BAZ2B: variants seen among roughly 807,000 people sequenced by gnomAD.
BAZ2B encodes bromodomain adjacent to zinc finger domain protein 2B.
BAZ2B carries 91 observed loss-of-function variants against 246.0 expected under a neutral mutation model. The observed-to-expected ratio is 0.37, with a 90% CI of 0.31 to 0.44. BAZ2B has a LOEUF of 0.44. Ranked by LOEUF, BAZ2B falls within the 20% of genes least tolerant of loss-of-function variation. The probability of loss-of-function intolerance (pLI) is 1.00; values close to 1 mark genes in which losing one functional copy is unlikely to be tolerated. For synonymous variants in BAZ2B, 855 were observed against 860.0 expected (o/e 0.99, Z 0.10); for missense variants, 2,332 against 2,533.7 (o/e 0.92, Z 1.71).
In BAZ2B at chr2:159,324,961, A is replaced by C. The variant is rs1239397947; in HGVS notation, c.6210-7T>G. 1 of 1,504,374 alleles carries C rather than the reference A, an allele frequency of 6.6e-7. No homozygotes were observed. Among genetic ancestry groups the C allele is most frequent in the Admixed American group, 2.7e-5 (1 of 37,490 alleles). 93.2% of individuals were successfully genotyped at this position (1,504,374 alleles called of 1,614,324 possible). A position where few individuals can be genotyped will look rare whatever the true frequency, so the allele number is the denominator to read the frequency against. On this transcript the variant is annotated splice_polypyrimidine_tract_variant and splice_region_variant and intron_variant, in intron 35 of 36. Coordinates refer to ENST00000392783, the MANE Select transcript of BAZ2B (RefSeq NM_013450.4). ...CATTTCAGTCAGAATCATACTAAAGAAAATAATGTTTGAAATCAGTATCCA... is the reference window on the plus strand; with the variant it reads ...CATTTCAGTCAGAATCATACTAAAGCAAATAATGTTTGAAATCAGTATCCA...
intron 2 of BAZ2B, among the ~76,000 whole-genome samples, chr2:159,533,752 T>C (rs956370490): frequency 3.3e-5 from 5 of 152,210 alleles, no homozygotes; most frequent in Non-Finnish European, 7.4e-5. Flanking sequence ...CTTCAGCCAC[T>C]AGCTGGTCAT....
chr2:159,411,946 AT>A, intron 14 of BAZ2B: 1 of 985,408 alleles, frequency 1.0e-6, no homozygotes, highest in Non-Finnish European at 1.2e-6. Flanking sequence ...TACTCCACAG[AT>A]CCACATATTT....
Position 159,385,378 on chromosome 2 carries a change from G to A in BAZ2B, c.3472-9C>T. On this transcript the variant is annotated splice_polypyrimidine_tract_variant and intron_variant, in intron 22 of 36. Coordinates refer to ENST00000392783, the MANE Select transcript of BAZ2B (RefSeq NM_013450.4). ...CCAAGAGCTGTTTTAGCCTATAAAA[G>A]TTTGGCATTTTTATCAGTATTACTC... 9 of 1,608,850 alleles carry A rather than the reference G, an allele frequency of 5.6e-6. No homozygotes were observed. Among genetic ancestry groups the A allele is most frequent in the Non-Finnish European group, 7.6e-6 (9 of 1,177,300 alleles).
At chr2:159,674,669 T>C in the BAZ2B span, among the ~76,000 whole-genome samples, 1 of 150,630 alleles carries the variant, frequency 6.6e-6, no homozygotes, top group African/African-American at 2.4e-5. Flanking sequence ...TGAGCTGAGA[T>C]TGCGCCATTG....
intron 1 of BAZ2B, chr2:159,615,816 G>A (rs1162289458): frequency 1.3e-5 from 2 of 152,458 alleles, no homozygotes; most frequent in East Asian, 1.9e-4. Flanking sequence ...GCGAAGCCAG[G>A]GCGGCCGGCA....
chr2:159,699,955 T>A, the BAZ2B span, among the ~76,000 whole-genome samples: 19 of 152,170 alleles, frequency 1.2e-4, no homozygotes, highest in African/African-American at 4.3e-4. Flanking sequence ...AGAGGAGGAA[T>A]GTTGTCTCTT....
At chr2:159,463,105 G>T in intron 3 of BAZ2B, 1 of 687,318 alleles carries the variant, frequency 1.5e-6, no homozygotes, top group Non-Finnish European at 2.7e-6. Context: ...AAATGCACGT[G>T]CTGCCCTTTC....
chr2:159,412,564 T>C lies in BAZ2B; in HGVS notation c.2467-19A>G, dbSNP rs989140091. The C allele has an allele frequency of 1.9e-6, 3 of 1,582,664 alleles. No individual in the cohort carries two copies. The highest frequency in any genetic ancestry group is 2.6e-6 in the Non-Finnish European group (3 of 1,161,224). On this transcript the variant is annotated intron_variant, in intron 13 of 36. Transcript: ENST00000392783. ...GCATTCCCTTTTAATTAACATTTTA[T>C]AGAAATAATATATTACAAACAAAAT... is the stretch of plus-strand genomic sequence containing the variant.
intron 1 of BAZ2B, among the ~76,000 whole-genome samples, chr2:159,600,322 T>C (rs1691845032): frequency 6.6e-6 from 1 of 152,142 alleles, no homozygotes; most frequent in African/African-American, 2.4e-5. Context: ...ACCAGAACCA[T>C]TCCTGCCAAA....
intron 1 of BAZ2B, among the ~76,000 whole-genome samples, chr2:159,601,575 G>C (rs1692157241): frequency 6.6e-6 from 1 of 152,054 alleles, no homozygotes; most frequent in African/African-American, 2.4e-5. Context: ...ACAAAAATTA[G>C]GCAGGTGTGA....
chr2:159,524,795 G>A (rs1387160184), intron 2 of BAZ2B, among the ~76,000 whole-genome samples: 1 of 152,020 alleles, frequency 6.6e-6, no homozygotes, highest in African/African-American at 2.4e-5. Flanking sequence ...AAGTAACTAA[G>A]GTTATCTTTA....
chr2:159,567,534 T>G (rs967197166), intron 1 of BAZ2B, among the ~76,000 whole-genome samples: 1 of 152,200 alleles, frequency 6.6e-6, no homozygotes, highest in Admixed American at 6.5e-5. Context: ...TCTTTCAGAG[T>G]TCGTCAATGG....
chr2:159,557,138 AT>A (rs1343454757), intron 1 of BAZ2B, among the ~76,000 whole-genome samples: 2 of 111,004 alleles, frequency 1.8e-5, no homozygotes, highest in Non-Finnish European at 3.6e-5. Flanking sequence ...CCCTACTTCT[AT>A]TCTTTTTTTT....
intron 2 of BAZ2B, among the ~76,000 whole-genome samples, chr2:159,491,637 C>T (rs2080482116): frequency 1.5e-5 from 2 of 134,544 alleles, no homozygotes; most frequent in South Asian, 5.1e-4. Context: ...AGGAGAATGG[C>T]GTGAACCCGG....
At chr2:159,340,485 G>A (rs1160982928) in intron 31 of BAZ2B, among the ~76,000 whole-genome samples, 1 of 152,104 alleles carries the variant, frequency 6.6e-6, no homozygotes, top group Non-Finnish European at 1.5e-5. Flanking sequence ...GCATATTATA[G>A]TCACCCTGTA....
intron 2 of BAZ2B, among the ~76,000 whole-genome samples, chr2:159,520,089 C>G (rs1297070800): frequency 1.3e-5 from 2 of 152,110 alleles, no homozygotes; most frequent in African/African-American, 4.8e-5. Flanking sequence ...AATGTCCTAT[C>G]TCTTATTTTA....
intron 8 of BAZ2B, chr2:159,435,528 A>G (rs1193693191): frequency 5.3e-5 from 8 of 151,642 alleles, no homozygotes; most frequent in Admixed American, 1.3e-4. Context: ...GCTAATATTT[A>G]TATTTTTAGT....
At chr2:159,368,371 G>A (rs2060452316) in intron 27 of BAZ2B, among the ~76,000 whole-genome samples, 1 of 152,046 alleles carries the variant, frequency 6.6e-6, no homozygotes, top group Non-Finnish European at 1.5e-5. Flanking sequence ...CATCTCCACA[G>A]CACTTAGTAC....
At chr2:159,449,751 C>T (rs535094204) in intron 4 of BAZ2B, among the ~76,000 whole-genome samples, 1 of 152,268 alleles carries the variant, frequency 6.6e-6, no homozygotes, top group South Asian at 2.1e-4. Context: ...CATTTATCCA[C>T]CGTTTAGATG....
Sources: allele counts gnomAD v4.1 joint callset (sites outside exome capture counted in the v4.1 genomes callset), GRCh38; gene constraint gnomAD v4.1.1; transcripts MANE v1.5; gene names NCBI Gene and HGNC (gene_info 2026-07-23, HGNC 2026-07-21).